LRRFIP2: variants seen among roughly 807,000 people sequenced by gnomAD.
The protein encoded by LRRFIP2 is leucine-rich repeat flightless-interacting protein 2.
A neutral mutation model predicts 125.9 loss-of-function variants in LRRFIP2; 109 were observed. The ratio of observed to expected loss-of-function variants is 0.87; its 90% confidence interval spans 0.74 to 1.01. The LOEUF (loss-of-function observed/expected upper bound fraction) is 1.01. Ranked by LOEUF, LRRFIP2 falls within the 50% of genes least tolerant of loss-of-function variation. LRRFIP2 has a pLI of 0.00. For synonymous variants in LRRFIP2, 291 were observed against 293.1 expected (o/e 0.99, Z 0.07); for missense variants, 850 against 862.3 (o/e 0.99, Z 0.18).
At chr3:37,066,600 T>C (rs2090205759) in intron 21 of LRRFIP2, 1 of 290,828 alleles carries the variant, frequency 3.4e-6, no homozygotes, top group Non-Finnish European at 6.6e-6. Flanking sequence ...TCTTTTCCAG[T>C]CAATGAAAAA....
intron 2 of LRRFIP2, among the ~76,000 whole-genome samples, chr3:37,134,246 G>A (rs894750984): frequency 6.6e-6 from 1 of 151,422 alleles, no homozygotes; most frequent in South Asian, 2.1e-4. Flanking sequence ...AAATGCATTA[G>A]GTTGTATTTA....
chr3:37,120,275 T>A (rs2094969398), intron 6 of LRRFIP2, among the ~76,000 whole-genome samples: 1 of 151,942 alleles, frequency 6.6e-6, no homozygotes, highest in Non-Finnish European at 1.5e-5. Context: ...CCCGGCTAAT[T>A]TTGTATTTTC....
chr3:37,069,740 AAATT>A (rs2090828828), intron 21 of LRRFIP2, among the ~76,000 whole-genome samples: 2 of 152,206 alleles, frequency 1.3e-5, no homozygotes, highest in African/African-American at 4.8e-5. Flanking sequence ...ACAATTTTTC[AAATT>A]AAAAAAGAGT....
intron 8 of LRRFIP2, among the ~76,000 whole-genome samples, chr3:37,111,266 T>C (rs1310011638): frequency 6.6e-6 from 1 of 152,114 alleles, no homozygotes; most frequent in Non-Finnish European, 1.5e-5. Flanking sequence ...ATTACTAAAT[T>C]TTTAAATTTA....
At chr3:37,108,586 T>C (rs2094435573) in intron 12 of LRRFIP2, 51 bp downstream of exon 12, 1 of 1,444,488 alleles carries the variant, frequency 6.9e-7, no homozygotes, top group Admixed American at 1.9e-5. Flanking sequence ...AAGTAAACTG[T>C]GCCCACCCAC....
intron 1 of LRRFIP2, among the ~76,000 whole-genome samples, chr3:37,169,395 C>G (rs2096554327): frequency 6.6e-6 from 1 of 152,128 alleles, no homozygotes. Flanking sequence ...CACCTAGATA[C>G]AGCATTATCT....
chr3:37,116,529 T>C (rs1406769795), intron 6 of LRRFIP2, among the ~76,000 whole-genome samples: 1 of 152,220 alleles, frequency 6.6e-6, no homozygotes, highest in Non-Finnish European at 1.5e-5. Flanking sequence ...AAACTTTTGT[T>C]TCAATAATGT....
chr3:37,054,895 A>G (rs992581099), intron 26 of LRRFIP2, among the ~76,000 whole-genome samples, 191 bp downstream of exon 26: 4 of 152,194 alleles, frequency 2.6e-5, no homozygotes, highest in Non-Finnish European at 5.9e-5. Context: ...ACTGATAGCT[A>G]TAGTTTCCTA....
At chr3:37,094,952 A>G (rs1559814238) in intron 16 of LRRFIP2, 44 bp from the exon 17 acceptor site, 1 of 1,271,672 alleles carries the variant, frequency 7.9e-7, no homozygotes. Context: ...TTTCTTTAAA[A>G]ATATGTTTGC....
chr3:37,073,150 C>G (rs549544582), intron 20 of LRRFIP2, among the ~76,000 whole-genome samples: 1 of 152,290 alleles, frequency 6.6e-6, no homozygotes, highest in South Asian at 2.1e-4. Context: ...AGCAAGCCAG[C>G]TAGAATTTCT....
chr3:37,077,188 C>G (rs1330895110), intron 19 of LRRFIP2, among the ~76,000 whole-genome samples: 1 of 152,182 alleles, frequency 6.6e-6, no homozygotes, highest in Non-Finnish European at 1.5e-5. Flanking sequence ...CACTCTTCAT[C>G]ATAGATACAT....
intron 2 of LRRFIP2, among the ~76,000 whole-genome samples, chr3:37,136,788 C>A (rs2095564550): frequency 1.3e-5 from 2 of 151,986 alleles, no homozygotes; most frequent in South Asian, 2.1e-4. Flanking sequence ...ATATCAGGAT[C>A]CAATTACAAC....
intron 1 of LRRFIP2, among the ~76,000 whole-genome samples, chr3:37,153,383 C>T (rs1296125087): frequency 6.6e-6 from 1 of 151,962 alleles, no homozygotes. Context: ...GAGACCCTAT[C>T]TCAAAAAATA....
chr3:37,174,596 C>G (rs1359466498), upstream of LRRFIP2: 1 of 151,890 alleles, frequency 6.6e-6, no homozygotes, highest in Non-Finnish European at 1.5e-5. Context: ...CTTCATTTAT[C>G]TTCCCACATC....
chr3:37,172,269 T>A (rs2096596045), intron 1 of LRRFIP2, among the ~76,000 whole-genome samples: 1 of 152,150 alleles, frequency 6.6e-6, no homozygotes, highest in Non-Finnish European at 1.5e-5. Context: ...AACCTAAATA[T>A]CTGTCAATAG....
chr3:37,155,115 C>T (rs1319054327), intron 1 of LRRFIP2, among the ~76,000 whole-genome samples: 2 of 152,240 alleles, frequency 1.3e-5, no homozygotes, highest in African/African-American at 4.8e-5. Context: ...ACTGATTGCA[C>T]TACCACTTCC....
intron 21 of LRRFIP2, among the ~76,000 whole-genome samples, chr3:37,070,847 A>C (rs528645217): frequency 2.7e-4 from 41 of 152,334 alleles, no homozygotes; most frequent in Non-Finnish European, 4.4e-5. Flanking sequence ...TAAAATATTA[A>C]GGCACTCATA....
intron 6 of LRRFIP2, among the ~76,000 whole-genome samples, chr3:37,119,956 C>T (rs1576930673): frequency 6.6e-6 from 1 of 151,968 alleles, no homozygotes; most frequent in African/African-American, 2.4e-5. Flanking sequence ...GCCACCGCTC[C>T]CGGCCTTTTC....
intron 25 of LRRFIP2, among the ~76,000 whole-genome samples, chr3:37,056,895 G>A (rs1057436632): frequency 7.2e-5 from 11 of 152,126 alleles, no homozygotes; most frequent in African/African-American, 2.7e-4. Context: ...TTATCCAAAT[G>A]TACTTCTTCC....
Sources: allele counts gnomAD v4.1 joint callset (sites outside exome capture counted in the v4.1 genomes callset), GRCh38; gene constraint gnomAD v4.1.1; transcripts MANE v1.5; gene names NCBI Gene and HGNC (gene_info 2026-07-23, HGNC 2026-07-21).